Variants in ATPAF2 observed in about 807,000 individuals in gnomAD.
ATPAF2 encodes ATP synthase mitochondrial F1 complex assembly factor 2, also known as ATP12 homolog.
ATPAF2 carries 30 observed loss-of-function variants against 36.6 expected under a neutral mutation model. The observed-to-expected ratio is 0.82, with a 90% CI of 0.61 to 1.11. The LOEUF (loss-of-function observed/expected upper bound fraction) is 1.11, where lower values mean the gene tolerates loss of function less well. Ranked by LOEUF, ATPAF2 falls within the 50% of genes most tolerant of loss-of-function variation. The pLI, the probability that ATPAF2 is intolerant of heterozygous loss-of-function variation, is 0.00. For missense variants in ATPAF2, 321 were observed against 372.3 expected (o/e 0.86, Z 1.13); for synonymous variants, 140 against 152.6 (o/e 0.92, Z 0.61).
In ATPAF2 at chr17:18,021,788, C is replaced by T. The variant is rs1204702040; in HGVS notation, c.573G>A (p.Val191=). The change falls in exon 6 of 8, where the codon GTG becomes GTA. Residue 191 remains valine (V), a synonymous_variant. Coordinates refer to ENST00000474627, the MANE Select transcript of ATPAF2 (RefSeq NM_145691.4). ...GPSIPAKTRE[V]LVSHLASYNT... ...TGTAAGATGCCAGGTGGCTGACGAG[C>T]ACCTCCCGAGTTTTGGCAGGGATGC... The T allele has an allele frequency of 6.2e-7, 1 of 1,614,164 alleles. No homozygotes were observed. Among genetic ancestry groups the T allele is most frequent in the Non-Finnish European group, 8.5e-7 (1 of 1,180,024 alleles).
At chr17:18,026,542 T>A in intron 3 of ATPAF2, 126 bp from the exon 4 acceptor site, 1 of 782,916 alleles carries the variant, frequency 1.3e-6, no homozygotes. Context: ...ACCAGAGGCG[T>A]CTGCATTACC....
downstream of ATPAF2, among the ~76,000 whole-genome samples, chr17:18,017,171 CAAAAAAAAAAAAAAAAAAAAA>C (rs59274380): frequency 3.0e-4 from 13 of 43,596 alleles, no homozygotes; most frequent in South Asian, 9.5e-4. Flanking sequence ...GACTTCGTCT[CAAAAAAAAAAAAAAAAAAAAA>C]AAAAAAAAAA....
chr17:18,027,121 T>A (rs1328537769), intron 3 of ATPAF2, among the ~76,000 whole-genome samples: 1 of 151,610 alleles, frequency 6.6e-6, no homozygotes, highest in African/African-American at 2.4e-5. Context: ...CTTGGGAGGC[T>A]GAGACGGGAG....
intron 1 of ATPAF2, among the ~76,000 whole-genome samples, chr17:18,030,830 CTTTTTT>C (rs34365252): frequency 2.5e-5 from 2 of 80,088 alleles, no homozygotes; most frequent in African/African-American, 4.8e-5. Flanking sequence ...CCACGCCTGG[CTTTTTT>C]TTTTTTTTTT....
intron 5 of ATPAF2, among the ~76,000 whole-genome samples, chr17:18,023,061 G>GGA: frequency 6.6e-6 from 1 of 151,400 alleles, no homozygotes; most frequent in East Asian, 2.0e-4. Flanking sequence ...CCTGGGAGGC[G>GGA]GAGCTTGCAG....
downstream of ATPAF2, chr17:18,015,602 T>TCG: frequency 1.3e-5 from 2 of 156,496 alleles, no homozygotes; most frequent in Admixed American, 6.2e-5. Context: ...GAGAGACAAC[T>TCG]GTGGGGTGAA....
At chr17:18,034,442 C>T (rs527949204) in intron 1 of ATPAF2, among the ~76,000 whole-genome samples, 34 of 152,166 alleles carry the variant, frequency 2.2e-4, no homozygotes, top group South Asian at 1.9e-3. Flanking sequence ...TCTGAATAGA[C>T]GTTTCTTCAA....
downstream of ATPAF2, chr17:18,016,058 C>T (rs568795488): frequency 1.7e-5 from 28 of 1,613,006 alleles, no homozygotes; most frequent in South Asian, 3.1e-4. Flanking sequence ...TCTTTTCACT[C>T]ACCAGCTTTT....
At chr17:18,021,639 C>T in intron 6 of ATPAF2, 106 bp downstream of exon 6, 8 of 993,526 alleles carry the variant, frequency 8.1e-6, no homozygotes. Flanking sequence ...GCCCAGAACA[C>T]TCTGTGCCTC....
At chr17:18,033,460 AC>A (rs1481198757) in intron 1 of ATPAF2, among the ~76,000 whole-genome samples, 1 of 151,772 alleles carries the variant, frequency 6.6e-6, no homozygotes. Context: ...ACCACCAGAA[AC>A]CTATGAAGCT....
chr17:18,028,427 G>A, intron 2 of ATPAF2, 50 bp from the exon 3 acceptor site: 1 of 1,606,408 alleles, frequency 6.2e-7, no homozygotes, highest in Non-Finnish European at 8.5e-7. Context: ...GTGGAATCAA[G>A]TGACCATTCC....
At chr17:18,021,678 G>C in intron 6 of ATPAF2, 67 bp downstream of exon 6, 1 of 1,391,460 alleles carries the variant, frequency 7.2e-7, no homozygotes, top group South Asian at 1.2e-5. Context: ...GGAGGGGCAA[G>C]TACAGGCTTC....
At chr17:18,017,133 C>G (rs991954660), downstream of ATPAF2, among the ~76,000 whole-genome samples, 1 of 133,566 alleles carries the variant, frequency 7.5e-6, no homozygotes, top group Non-Finnish European at 1.5e-5. Flanking sequence ...GATCGCACCA[C>G]TGCACTCCAG....
chr17:18,035,469 G>A (rs1054974940), intron 1 of ATPAF2, among the ~76,000 whole-genome samples: 3 of 152,080 alleles, frequency 2.0e-5, no homozygotes, highest in Admixed American at 6.5e-5. Flanking sequence ...GGCAATGGCT[G>A]TACAATTCTG....
chr17:18,034,236 G>C (rs2044674375), intron 1 of ATPAF2, among the ~76,000 whole-genome samples: 9 of 150,892 alleles, frequency 6.0e-5, no homozygotes, highest in Admixed American at 5.9e-4. Flanking sequence ...GACCCTGTCT[G>C]TACAAAAAAA....
At chr17:18,028,099 G>A (rs2044573775) in intron 3 of ATPAF2, 133 bp downstream of exon 3, 1 of 1,040,042 alleles carries the variant, frequency 9.6e-7, no homozygotes, top group Non-Finnish European at 1.5e-6. Context: ...AGTGACTTGA[G>A]AGGAGGTGAA....
In ATPAF2 at chr17:18,018,541, C is replaced by G; in HGVS notation, c.*8G>C. The G allele has an allele frequency of 6.2e-7, 1 of 1,613,274 alleles. No individual in the cohort carries two copies. Among genetic ancestry groups the G allele is most frequent in the Non-Finnish European group, 8.5e-7 (1 of 1,179,978 alleles). Reference sequence around the variant, plus strand: ...CCTCTATCCTGCTGAGTGTGCTCTGCCCAGGCCTCACTCCTTCAGGAGCTT... The same window carrying G: ...CCTCTATCCTGCTGAGTGTGCTCTGGCCAGGCCTCACTCCTTCAGGAGCTT... On this transcript the variant is annotated 3_prime_UTR_variant, in exon 8 of 8. Transcript: ENST00000474627.
At chr17:18,017,778 CT>C (rs1299070302), downstream of ATPAF2, among the ~76,000 whole-genome samples, 1 of 152,216 alleles carries the variant, frequency 6.6e-6, no homozygotes, top group African/African-American at 2.4e-5. Context: ...CTCTTCCCCC[CT>C]GCCCTCTTAC....
Position 18,028,280 on chromosome 17 carries a change from A to G in ATPAF2, c.276T>C (p.Thr92=). The change falls in exon 3 of 8, where the codon ACT becomes ACC. Residue 92 remains threonine, a synonymous_variant. Coordinates refer to ENST00000474627, the MANE Select transcript of ATPAF2 (RefSeq NM_145691.4). The part of the protein sequence containing the change: ...PSEALAIAVA[T]EWDSQQDTIK... ...TGGTATCCTGCTGGGAATCCCACTC[A>G]GTAGCCACTGCAATGGCCAGGGCCT... 1 of 1,614,256 alleles carries G rather than the reference A, an allele frequency of 6.2e-7. No homozygotes were observed. Among genetic ancestry groups the G allele is most frequent in the South Asian group, 1.1e-5 (1 of 91,090 alleles).
Sources: gnomAD v4.1 joint callset for allele counts (sites outside exome capture counted in the v4.1 genomes callset) on GRCh38, gnomAD v4.1.1 for gene constraint, MANE v1.5 for transcripts, NCBI Gene and HGNC (gene_info 2026-07-23, HGNC 2026-07-21) for gene names.